Variants in TEX11 observed in about 807,000 individuals in gnomAD.
TEX11 encodes the protein testis-expressed protein 11.
A neutral mutation model predicts 84.4 loss-of-function variants in TEX11; 7 were observed. The ratio of observed to expected loss-of-function variants is 0.08; its 90% CI spans 0.05 to 0.16. TEX11 has a LOEUF of 0.16. Ranked by LOEUF, TEX11 falls within the 10% of genes least tolerant of loss-of-function variation. TEX11 has a pLI of 1.00. For missense variants in TEX11, 551 were observed against 660.5 expected (o/e 0.83, Z 1.82); for synonymous variants, 264 against 222.8 (o/e 1.18, Z -1.64).
chrX:70,800,296 G>A (rs2091179531), intron 9 of TEX11, among the ~76,000 whole-genome samples: 1 of 109,937 alleles, frequency 9.1e-6, no homozygotes, highest in African/African-American at 3.3e-5. Context: ...TTGGGTACTG[G>A]GCTTAATACC....
At chrX:70,639,162 G>T (rs1347729429) in intron 17 of TEX11, among the ~76,000 whole-genome samples, 1 of 111,670 alleles carries the variant, frequency 9.0e-6, no homozygotes, top group Non-Finnish European at 1.9e-5. Context: ...GGTGACGGAC[G>T]GCACCTGGAA....
At chrX:70,843,182 G>A (rs755375280) in intron 7 of TEX11, among the ~76,000 whole-genome samples, 1 of 111,696 alleles carries the variant, frequency 9.0e-6, no homozygotes, top group Non-Finnish European at 1.9e-5. Context: ...ACAATCCTAA[G>A]CCAGAAGAAC....
chrX:70,642,601 A>G (rs867237254), intron 17 of TEX11, among the ~76,000 whole-genome samples: 1 of 101,130 alleles, frequency 9.9e-6, no homozygotes, highest in Admixed American at 1.1e-4. Flanking sequence ...CTTGGGATGC[A>G]AGGCTGGTTC....
rs1370240224 is a variant in TEX11, at chrX:70,775,963, G to A, written c.692+30742C>T. ...GACAAAAGTTAATGGATGGTGGCAA[G>A]GATGCAGAGAAAAGGGAATTCTTAT... On this transcript the variant is annotated intron_variant, in intron 9 of 29. Coordinates refer to ENST00000374333, the MANE Select transcript of TEX11 (RefSeq NM_031276.3). Among the ~76,000 whole-genome samples the A allele has an allele frequency of 1.1e-4, 12 of 108,548 alleles. No individual in the cohort carries two copies. The East Asian group carries it at 2.3e-3, about 21-fold the overall frequency. The allele number at this position is 108,548 out of a possible 115,157, so 94.3% of individuals were successfully genotyped here.
intron 17 of TEX11, among the ~76,000 whole-genome samples, chrX:70,632,907 G>A (rs2089527545): frequency 9.0e-6 from 1 of 111,612 alleles, no homozygotes; most frequent in African/African-American, 3.2e-5. Context: ...ATCTATTAAA[G>A]ACATTTAATT....
chrX:70,842,376 A>C (rs2091451628), intron 7 of TEX11, among the ~76,000 whole-genome samples: 2 of 111,489 alleles, frequency 1.8e-5, no homozygotes, highest in African/African-American at 6.5e-5. Context: ...ACCAAAGACA[A>C]AAACCACATG....
At chrX:70,739,269 T>C (rs1304121095) in intron 11 of TEX11, among the ~76,000 whole-genome samples, 1 of 111,288 alleles carries the variant, frequency 9.0e-6, no homozygotes, top group African/African-American at 3.3e-5. Context: ...TTTGACAAAT[T>C]TAACATTCTG....
At chrX:70,690,412 G>A (rs1055696102) in intron 13 of TEX11, among the ~76,000 whole-genome samples, 1 of 112,029 alleles carries the variant, frequency 8.9e-6, no homozygotes, top group African/African-American at 3.2e-5. Flanking sequence ...TAAAGCAGAG[G>A]TTAGGTATAA....
chrX:70,879,891 G>T, intron 3 of TEX11, 97 bp downstream of exon 3: 2 of 724,469 alleles, frequency 2.8e-6, no homozygotes, highest in Non-Finnish European at 3.8e-6. Context: ...GTTTAGCAAT[G>T]GTTAAGCATG....
At chrX:70,616,213 T>C (rs1293573104) in intron 20 of TEX11, among the ~76,000 whole-genome samples, 1 of 110,957 alleles carries the variant, frequency 9.0e-6, no homozygotes, top group Admixed American at 9.6e-5. Context: ...CAACCAAAAA[T>C]AATAAATATA....
At chrX:70,724,785 G>C (rs760070496) in intron 12 of TEX11, among the ~76,000 whole-genome samples, 8 of 111,389 alleles carry the variant, frequency 7.2e-5, no homozygotes, top group African/African-American at 1.9e-4. Flanking sequence ...TATCTCTTTT[G>C]CTAAATGAAG....
chrX:70,832,452 T>A (rs2091382085), intron 8 of TEX11, among the ~76,000 whole-genome samples: 1 of 112,189 alleles, frequency 8.9e-6, no homozygotes, highest in Admixed American at 9.5e-5. Context: ...TATGAAATTG[T>A]TTTAAAAGTT....
At chrX:70,842,973 T>G (rs2091456069) in intron 7 of TEX11, among the ~76,000 whole-genome samples, 1 of 111,202 alleles carries the variant, frequency 9.0e-6, no homozygotes, top group African/African-American at 3.3e-5. Flanking sequence ...CTCAGTGAAA[T>G]AAAAGAGGAT....
chrX:70,650,026 A>C (rs1032298493), intron 17 of TEX11, among the ~76,000 whole-genome samples: 1 of 112,038 alleles, frequency 8.9e-6, no homozygotes, highest in Non-Finnish European at 1.9e-5. Flanking sequence ...AAATGCATTA[A>C]GTTAAGTGAA....
At chrX:70,868,776 A>G (rs1203285821) in intron 4 of TEX11, among the ~76,000 whole-genome samples, 1 of 110,638 alleles carries the variant, frequency 9.0e-6, no homozygotes, top group Non-Finnish European at 1.9e-5. Context: ...CTAACACAGG[A>G]ACAGAAAACC....
chrX:70,513,788 C>T, the TEX11 span, among the ~76,000 whole-genome samples: 1 of 108,019 alleles, frequency 9.3e-6, no homozygotes, highest in Non-Finnish European at 1.9e-5. Flanking sequence ...TACCGAGAGC[C>T]GTGTTGATCT....
chrX:70,540,336 G>A (rs965167122), intron 28 of TEX11, among the ~76,000 whole-genome samples: 14 of 111,759 alleles, frequency 1.3e-4, no homozygotes, highest in South Asian at 3.8e-4. Flanking sequence ...GTTTAGTGGC[G>A]TTAAGTACAT....
chrX:70,841,072 A>G (rs1397427026), intron 7 of TEX11, among the ~76,000 whole-genome samples: 3 of 110,900 alleles, frequency 2.7e-5, no homozygotes, highest in Admixed American at 9.7e-5. Flanking sequence ...ACAGATCAAT[A>G]AGACAGAAAG....
rs181855400 is a variant in TEX11 at position 70,562,987 on chromosome X, T to C, written c.2141-8187A>G. 9.8e-5 allele frequency among the ~76,000 whole-genome samples: 11 copies of C among 112,431 alleles called. No homozygotes were observed. In the East Asian group the frequency reaches 3.1e-3, roughly 31 times the overall value. On this transcript the variant is annotated intron_variant, in intron 25 of 29. Coordinates refer to ENST00000374333, the MANE Select transcript of TEX11 (RefSeq NM_031276.3). The stretch of plus-strand genomic sequence containing the variant: ...TCATTTACTTCTGAGTAGTATTCCA[T>C]TATAGAGATGTACAGTTTGTTTATC...
Sources: gnomAD v4.1 joint callset for allele counts (sites outside exome capture counted in the v4.1 genomes callset) on GRCh38, gnomAD v4.1.1 for gene constraint, MANE v1.5 for transcripts, NCBI Gene and HGNC (gene_info 2026-07-23, HGNC 2026-07-21) for gene names.